Variants in ATXN1 observed in about 807,000 individuals in gnomAD.
ATXN1 encodes the protein ataxin 1.
Under a neutral mutation model 56.4 loss-of-function variants are expected in ATXN1, and 8 were observed. The observed-to-expected ratio is 0.14, with a 90% CI of 0.08 to 0.26. ATXN1 has a LOEUF of 0.26. Among genes scored for constraint, ATXN1 ranks in the 10% least tolerant of loss-of-function variants. ATXN1 has a pLI of 1.00. For synonymous variants in ATXN1, 514 were observed against 494.6 expected (o/e 1.04, Z -0.52); for missense variants, 987 against 1,106.5 (o/e 0.89, Z 1.53).
At chr6:16,439,079 C>G (rs1581762450) in intron 6 of ATXN1, among the ~76,000 whole-genome samples, 2 of 152,078 alleles carry the variant, frequency 1.3e-5, no homozygotes, top group East Asian at 3.9e-4. Context: ...TTAAACTGCA[C>G]AGGAAACAAG....
At chr6:16,464,636 G>C (rs1402584111) in intron 6 of ATXN1, among the ~76,000 whole-genome samples, 6 of 151,898 alleles carry the variant, frequency 4.0e-5, no homozygotes, top group Non-Finnish European at 5.9e-5. Flanking sequence ...AAAAGACATA[G>C]AGGAAACTTA....
chr6:16,387,664 C>T (rs1212929415), intron 6 of ATXN1, among the ~76,000 whole-genome samples: 1 of 152,168 alleles, frequency 6.6e-6, no homozygotes, highest in Non-Finnish European at 1.5e-5. Context: ...GGCCGTCCTG[C>T]CTGCTTCGTT....
At chr6:16,633,367 T>C (rs1763539367) in intron 3 of ATXN1, among the ~76,000 whole-genome samples, 1 of 152,222 alleles carries the variant, frequency 6.6e-6, no homozygotes, top group Admixed American at 6.5e-5. Context: ...TGCCACCCAA[T>C]GTTTGTTTTA....
intron 6 of ATXN1, among the ~76,000 whole-genome samples, chr6:16,471,653 A>G (rs954804327): frequency 6.6e-6 from 1 of 151,608 alleles, no homozygotes; most frequent in Non-Finnish European, 1.5e-5. Flanking sequence ...CTTTCAGTAG[A>G]GCATGTCAGG....
At chr6:16,553,717 C>T (rs1159951536) in intron 4 of ATXN1, among the ~76,000 whole-genome samples, 1 of 152,174 alleles carries the variant, frequency 6.6e-6, no homozygotes, top group African/African-American at 2.4e-5. Flanking sequence ...ACCGCATGGG[C>T]CCTCACCATG....
chr6:16,702,637 A>G (rs1303312513), intron 2 of ATXN1, among the ~76,000 whole-genome samples: 1 of 152,246 alleles, frequency 6.6e-6, no homozygotes, highest in African/African-American at 2.4e-5. Flanking sequence ...ACAAATTTAC[A>G]AGAAAAAAAC....
intron 3 of ATXN1, among the ~76,000 whole-genome samples, chr6:16,601,562 T>C (rs1762911489): frequency 6.6e-6 from 1 of 152,116 alleles, no homozygotes; most frequent in Admixed American, 6.6e-5. Context: ...TAAAATCTAT[T>C]TATTTCAGCT....
At chr6:16,665,591 C>T (rs925311206) in intron 2 of ATXN1, among the ~76,000 whole-genome samples, 13 of 152,176 alleles carry the variant, frequency 8.5e-5, no homozygotes, top group African/African-American at 2.9e-4. Flanking sequence ...ACCAGGCAGA[C>T]ATTCTAAACC....
At chr6:16,484,176 T>C (rs1760494137) in intron 6 of ATXN1, among the ~76,000 whole-genome samples, 1 of 152,190 alleles carries the variant, frequency 6.6e-6, no homozygotes, top group South Asian at 2.1e-4. Flanking sequence ...CTCATGCCTG[T>C]AATCAAAACA....
intron 2 of ATXN1, among the ~76,000 whole-genome samples, chr6:16,679,314 G>GGATGGATA (rs1758761497): frequency 6.7e-6 from 1 of 149,900 alleles, no homozygotes; most frequent in Non-Finnish European, 1.5e-5. Flanking sequence ...ATGGATGGAT[G>GGATGGATA]GATATATGGG....
intron 7 of ATXN1, among the ~76,000 whole-genome samples, chr6:16,316,854 A>C (rs1366626140): frequency 8.0e-6 from 1 of 125,700 alleles, no homozygotes; most frequent in Non-Finnish European, 1.6e-5. Flanking sequence ...GGCAATAGAG[A>C]GACTGCCTGT....
chr6:16,539,546 G>C (rs59252024), intron 4 of ATXN1, among the ~76,000 whole-genome samples: 12,640 of 152,176 alleles, frequency 0.083, 821 homozygotes, highest in African/African-American at 0.17. Flanking sequence ...CCAGATATGG[G>C]TGGCCTCAGA....
At chr6:16,320,305 C>G (rs1202061933) in intron 7 of ATXN1, among the ~76,000 whole-genome samples, 1 of 152,096 alleles carries the variant, frequency 6.6e-6, no homozygotes, top group East Asian at 1.9e-4. Context: ...TGTACGAGCA[C>G]ACACACAGGC....
rs1239930238 is a variant in ATXN1, at chr6:16,303,036, G to T, written c.*3293C>A. 6.6e-6 allele frequency: 1 copy of T among 152,636 alleles called. No individual in the cohort carries two copies. Among genetic ancestry groups the T allele is most frequent in the Non-Finnish European group, 1.5e-5 (1 of 68,052 alleles). 9.5% of individuals were successfully genotyped at this position (152,636 alleles called of 1,614,324 possible). A position where few individuals can be genotyped will look rare whatever the true frequency, so the allele number is the denominator to read the frequency against. ...GAGTGGTGACCGTGGGTGGCAGGTGGTCCCCTCCACAGCCACTGGCCAACA... is the reference window on the plus strand; with the variant it reads ...GAGTGGTGACCGTGGGTGGCAGGTGTTCCCCTCCACAGCCACTGGCCAACA... On this transcript the variant is annotated 3_prime_UTR_variant, in exon 8 of 8. Coordinates refer to ENST00000436367, the MANE Select transcript of ATXN1 (RefSeq NM_001128164.2). This position sits in a 1 kb window ranked among gnomAD's most constrained non-coding sequence, Gnocchi z 4.3.
rs192881689 is a variant in ATXN1 at position 16,700,783 on chromosome 6, C to A, written c.-614-42882G>T. 4.6e-5 allele frequency among the ~76,000 whole-genome samples: 7 copies of A among 152,198 alleles called. No individual in the cohort carries two copies. In the East Asian group the frequency reaches 1.2e-3, roughly 25 times the overall value. ...CTGCAGATCAGCCCGGAGGGTGTAA[C>A]GTGGTAAGCAGACGTGCTGCTTTTA... On this transcript the variant is annotated intron_variant, in intron 2 of 7. Transcript: ENST00000436367.
At chr6:16,347,122 T>A (rs978550196) in intron 6 of ATXN1, among the ~76,000 whole-genome samples, 1 of 152,194 alleles carries the variant, frequency 6.6e-6, no homozygotes, top group African/African-American at 2.4e-5. Flanking sequence ...AACCTCCCCC[T>A]GCCCCTCCGT....
At chr6:16,613,114 A>C (rs1350385218) in intron 3 of ATXN1, among the ~76,000 whole-genome samples, 1 of 145,462 alleles carries the variant, frequency 6.9e-6, no homozygotes, top group Non-Finnish European at 1.5e-5. Context: ...AAATACAAAA[A>C]ATTAGCCGGG....
intron 2 of ATXN1, among the ~76,000 whole-genome samples, chr6:16,725,298 G>A (rs1006588288): frequency 2.2e-4 from 34 of 152,312 alleles, no homozygotes; most frequent in African/African-American, 7.5e-4. Context: ...CTCCGATACT[G>A]CGTGTTTTCA....
rs529564930 is a variant in ATXN1 at position 16,527,267 on chromosome 6, G to A, written c.-360-4579C>T. On this transcript the variant is annotated intron_variant, in intron 4 of 7. Coordinates refer to ENST00000436367, the MANE Select transcript of ATXN1 (RefSeq NM_001128164.2). ...AAATCTCACTTTTGAGGGGAGGCTGGGGAAGTGAGCATATCCCCGCAATGG... is the reference window on the plus strand; with the variant it reads ...AAATCTCACTTTTGAGGGGAGGCTGAGGAAGTGAGCATATCCCCGCAATGG... 1.4e-4 allele frequency among the ~76,000 whole-genome samples: 21 copies of A among 152,174 alleles called. No homozygotes were observed. In the South Asian group the frequency reaches 4.1e-3, roughly 30 times the overall value.
Sources: allele counts gnomAD v4.1 joint callset (sites outside exome capture counted in the v4.1 genomes callset), GRCh38; gene constraint gnomAD v4.1.1; non-coding constraint Gnocchi (gnomAD v3.1); transcripts MANE v1.5; gene names NCBI Gene and HGNC (gene_info 2026-07-23, HGNC 2026-07-21).